Variants in ITGA1 observed in about 807,000 individuals in gnomAD.
ITGA1 encodes integrin alpha-1.
Under a neutral mutation model 145.9 loss-of-function variants are expected in ITGA1, and 85 were observed. The observed-to-expected ratio is 0.58, with a 90% CI of 0.49 to 0.70. The LOEUF is 0.70. ITGA1 is among the 30% of genes least tolerant of loss of function. The pLI is 0.00. For synonymous variants in ITGA1, 520 were observed against 495.3 expected (o/e 1.05, Z -0.66); for missense variants, 1,351 against 1,418.7 (o/e 0.95, Z 0.77).
At chr5:52,792,361 T>C (rs1231989610) in intron 1 of ITGA1, among the ~76,000 whole-genome samples, 4 of 152,198 alleles carry the variant, frequency 2.6e-5, no homozygotes, top group African/African-American at 4.8e-5. Flanking sequence ...CTGAAGATGG[T>C]GAAAATTGTC....
intron 16 of ITGA1, among the ~76,000 whole-genome samples, chr5:52,919,609 A>G (rs549057289): frequency 6.6e-6 from 1 of 152,300 alleles, no homozygotes; most frequent in African/African-American, 2.4e-5. Context: ...GTTTTTCTTG[A>G]TTTGTTCCAT....
intron 1 of ITGA1, among the ~76,000 whole-genome samples, chr5:52,795,757 A>C (rs1022953425): frequency 2.6e-5 from 4 of 151,954 alleles, no homozygotes; most frequent in African/African-American, 9.7e-5. Context: ...TCTATAATTT[A>C]TTAATATCAA....
chr5:52,825,067 A>G (rs1421324493), intron 1 of ITGA1: 5 of 152,212 alleles, frequency 3.3e-5, no homozygotes, highest in Admixed American at 6.5e-5. Flanking sequence ...AACTTTTGTT[A>G]CTACATCCAG....
At chr5:52,871,569 A>G (rs1413371238) in intron 6 of ITGA1, among the ~76,000 whole-genome samples, 1 of 152,130 alleles carries the variant, frequency 6.6e-6, no homozygotes, top group Non-Finnish European at 1.5e-5. Flanking sequence ...AGAGTCAAAG[A>G]TATGGAATAT....
intron 15 of ITGA1, 87 bp downstream of exon 15, chr5:52,915,681 A>G: frequency 6.8e-7 from 1 of 1,477,222 alleles, no homozygotes; most frequent in Non-Finnish European, 9.2e-7. Context: ...CATACCAAAT[A>G]TCTATTTCCT....
intron 1 of ITGA1, among the ~76,000 whole-genome samples, chr5:52,813,731 G>A (rs991095407): frequency 1.3e-5 from 2 of 152,138 alleles, no homozygotes; most frequent in Non-Finnish European, 2.9e-5. Context: ...ACCAGGAGCA[G>A]GATAACGGAC....
chr5:52,927,816 C>G (rs1750834589), intron 20 of ITGA1, 152 bp downstream of exon 20: 1 of 598,804 alleles, frequency 1.7e-6, no homozygotes. Flanking sequence ...ATGCTATGGT[C>G]AGAATGTTTG....
intron 28 of ITGA1, 134 bp downstream of exon 28, chr5:52,947,595 G>A (rs1751155211): frequency 6.5e-6 from 4 of 612,460 alleles, no homozygotes; most frequent in South Asian, 2.0e-5. Context: ...GATGACTAAG[G>A]GAAAGAAAAA....
At chr5:52,915,084 C>G (rs556823630) in intron 14 of ITGA1, among the ~76,000 whole-genome samples, 27 of 152,300 alleles carry the variant, frequency 1.8e-4, no homozygotes, top group Non-Finnish European at 3.1e-4. Flanking sequence ...TCCCCTCCCC[C>G]CTTTGCTGAT....
chr5:52,794,536 C>CACAG (rs1748303126), intron 1 of ITGA1, among the ~76,000 whole-genome samples: 1 of 149,658 alleles, frequency 6.7e-6, no homozygotes, highest in African/African-American at 2.5e-5. Context: ...CACACACACA[C>CACAG]TTCTGTTCAT....
intron 6 of ITGA1, among the ~76,000 whole-genome samples, chr5:52,868,849 A>G (rs1430284054): frequency 6.6e-6 from 1 of 152,210 alleles, no homozygotes; most frequent in Non-Finnish European, 1.5e-5. Context: ...TTTATGTCAC[A>G]TCTTGCTTTC....
intron 5 of ITGA1, 127 bp downstream of exon 5, chr5:52,865,209 T>G: frequency 3.1e-6 from 2 of 653,866 alleles, no homozygotes; most frequent in Non-Finnish European, 5.1e-6. Flanking sequence ...CCAATTTAGG[T>G]AAATGTTTGC....
intron 1 of ITGA1, among the ~76,000 whole-genome samples, chr5:52,847,456 G>T (rs969214868): frequency 6.6e-6 from 1 of 152,154 alleles, no homozygotes; most frequent in East Asian, 1.9e-4. Context: ...CTATATGGTG[G>T]TTTTAACAAA....
intron 1 of ITGA1, among the ~76,000 whole-genome samples, chr5:52,804,475 G>A (rs960149091): frequency 1.6e-4 from 24 of 152,140 alleles, no homozygotes; most frequent in Admixed American, 1.4e-3. Context: ...TTTCATTACC[G>A]TCTTAGAAAC....
At chr5:52,911,914 T>A (rs982932794) in intron 14 of ITGA1, among the ~76,000 whole-genome samples, 2 of 136,924 alleles carry the variant, frequency 1.5e-5, no homozygotes, top group East Asian at 4.3e-4. Context: ...TAGATATATA[T>A]ATTATATATA....
At chr5:52,817,188 T>C (rs1012572865) in intron 1 of ITGA1, among the ~76,000 whole-genome samples, 1 of 152,232 alleles carries the variant, frequency 6.6e-6, no homozygotes, top group Non-Finnish European at 1.5e-5. Context: ...TTTTTCTTTC[T>C]TTTTGTAAAA....
intron 18 of ITGA1, among the ~76,000 whole-genome samples, chr5:52,923,244 G>T (rs1328704929): frequency 1.3e-5 from 2 of 152,132 alleles, no homozygotes; most frequent in African/African-American, 4.8e-5. Context: ...TTTCTTCTAT[G>T]GCAGGGACTT....
chr5:52,887,454 G>T (rs550610478), intron 7 of ITGA1, among the ~76,000 whole-genome samples: 40 of 152,084 alleles, frequency 2.6e-4, no homozygotes, highest in Admixed American at 9.2e-4. Context: ...TGAGAGAAGG[G>T]GTGTTTACAG....
At chr5:52,850,527 T>C in intron 2 of ITGA1, among the ~76,000 whole-genome samples, 1 of 152,164 alleles carries the variant, frequency 6.6e-6, no homozygotes. Context: ...TATATCTACT[T>C]GGATAATAAA....
Sources: allele counts gnomAD v4.1 joint callset (sites outside exome capture counted in the v4.1 genomes callset), GRCh38; gene constraint gnomAD v4.1.1; transcripts MANE v1.5; gene names NCBI Gene and HGNC (gene_info 2026-07-23, HGNC 2026-07-21).